Variants in GPC5 observed in about 807,000 individuals in gnomAD.
GPC5 encodes the protein glypican-5.
GPC5 carries 47 observed loss-of-function variants against 53.9 expected under a neutral mutation model. The observed-to-expected ratio is 0.87, with a 90% CI of 0.69 to 1.11. GPC5 has a LOEUF of 1.11. Among genes scored for constraint, GPC5 ranks in the 50% most tolerant of loss-of-function variants. The pLI is 0.00. For missense variants in GPC5, 748 were observed against 713.1 expected, an observed-to-expected ratio of 1.05 and a Z score of -0.56; for synonymous variants, 286 against 263.3, an observed-to-expected ratio of 1.09 and a Z score of -0.84.
intron 7 of GPC5, among the ~76,000 whole-genome samples, chr13:92,351,534 A>G (rs905703290): frequency 2.0e-5 from 3 of 152,046 alleles, no homozygotes; most frequent in Non-Finnish European, 1.5e-5. Flanking sequence ...AGATAAGAAT[A>G]TAAGGATTGT....
intron 7 of GPC5, among the ~76,000 whole-genome samples, chr13:92,767,773 G>T (rs1342579163): frequency 6.6e-6 from 1 of 152,112 alleles, no homozygotes; most frequent in Non-Finnish European, 1.5e-5. Flanking sequence ...ACCTCATAAT[G>T]AATTTTTATG....
intron 2 of GPC5, among the ~76,000 whole-genome samples, chr13:91,595,206 A>T (rs1031048359): frequency 2.0e-5 from 3 of 151,704 alleles, no homozygotes; most frequent in Admixed American, 6.6e-5. Context: ...TTTAGTAGAG[A>T]TGGGGTTTCA....
chr13:91,940,359 A>G (rs1027409378), intron 6 of GPC5, among the ~76,000 whole-genome samples: 11 of 152,086 alleles, frequency 7.2e-5, no homozygotes, highest in Admixed American at 2.6e-4. Flanking sequence ...ATTCTACGTT[A>G]TATACATACT....
chr13:92,721,872 G>T (rs756530620), intron 7 of GPC5, among the ~76,000 whole-genome samples: 1 of 151,810 alleles, frequency 6.6e-6, no homozygotes, highest in Non-Finnish European at 1.5e-5. Flanking sequence ...TCCTATTTAG[G>T]GGTCATTTCC....
intron 7 of GPC5, among the ~76,000 whole-genome samples, chr13:92,244,106 C>G (rs1170219061): frequency 6.6e-6 from 1 of 152,134 alleles, no homozygotes; most frequent in East Asian, 1.9e-4. Context: ...TCTTGGTACT[C>G]TTAACTTTCA....
At chr13:92,106,430 A>T (rs2041510639) in intron 6 of GPC5, among the ~76,000 whole-genome samples, 2 of 152,090 alleles carry the variant, frequency 1.3e-5, no homozygotes, top group African/African-American at 4.8e-5. Flanking sequence ...TTTGGATATG[A>T]TGAGTGCTGA....
intron 2 of GPC5, among the ~76,000 whole-genome samples, chr13:91,616,625 CA>C (rs2139339081): frequency 6.6e-6 from 1 of 151,968 alleles, no homozygotes; most frequent in Admixed American, 6.5e-5. Context: ...ATTTCAGTGT[CA>C]CTTTTAAACA....
At chr13:91,662,390 G>A (rs55887975) in intron 2 of GPC5, among the ~76,000 whole-genome samples, 13,814 of 152,176 alleles carry the variant, frequency 0.091, 2,060 homozygotes, top group African/African-American at 0.31. Flanking sequence ...AAGTTTGCAG[G>A]ATTAATTTGG....
intron 5 of GPC5, among the ~76,000 whole-genome samples, chr13:91,786,438 A>G (rs2037880265): frequency 6.6e-6 from 1 of 152,120 alleles, no homozygotes; most frequent in African/African-American, 2.4e-5. Context: ...TGTTACCTGT[A>G]CATCTTTTTG....
intron 2 of GPC5, among the ~76,000 whole-genome samples, chr13:91,622,763 G>A (rs2033895818): frequency 6.6e-6 from 1 of 152,040 alleles, no homozygotes; most frequent in Non-Finnish European, 1.5e-5. Flanking sequence ...GTTTGAAGAA[G>A]GTTGAAAGAT....
intron 7 of GPC5, among the ~76,000 whole-genome samples, chr13:92,820,826 C>T (rs957781647): frequency 1.3e-5 from 2 of 152,096 alleles, no homozygotes; most frequent in Non-Finnish European, 2.9e-5. Flanking sequence ...ATTCTAAACA[C>T]TATACATGTT....
chr13:92,546,623 C>T (rs1354679264), intron 7 of GPC5, among the ~76,000 whole-genome samples: 3 of 152,124 alleles, frequency 2.0e-5, no homozygotes, highest in Admixed American at 6.5e-5. Context: ...ATGCCATCCC[C>T]ATCAAATTAC....
At chr13:92,031,166 C>G (rs1452940281) in intron 6 of GPC5, among the ~76,000 whole-genome samples, 1 of 152,082 alleles carries the variant, frequency 6.6e-6, no homozygotes, top group African/African-American at 2.4e-5. Flanking sequence ...ATGTGCCTTA[C>G]TCAGCCATTG....
intron 6 of GPC5, among the ~76,000 whole-genome samples, chr13:92,021,142 A>G (rs938276033): frequency 1.2e-4 from 18 of 152,212 alleles, no homozygotes; most frequent in African/African-American, 4.3e-4. Context: ...GATTTATTCA[A>G]CAGGATTTAT....
chr13:92,287,393 T>A (rs2042963664), intron 7 of GPC5, among the ~76,000 whole-genome samples: 1 of 152,198 alleles, frequency 6.6e-6, no homozygotes, highest in East Asian at 1.9e-4. Flanking sequence ...ACAAGGTTTT[T>A]CAAGCCTTCT....
chr13:92,042,676 A>T (rs917830746), intron 6 of GPC5, among the ~76,000 whole-genome samples: 5 of 152,240 alleles, frequency 3.3e-5, no homozygotes, highest in Non-Finnish European at 5.9e-5. Flanking sequence ...ATGTTTAATT[A>T]AAACAATTAT....
At chr13:92,550,341 A>G (rs1419754159) in intron 7 of GPC5, among the ~76,000 whole-genome samples, 2 of 151,902 alleles carry the variant, frequency 1.3e-5, no homozygotes, top group East Asian at 3.9e-4. Context: ...GCCCCAAAGA[A>G]TTATGTTTTC....
chr13:92,397,272 G>GA (rs1290059363), intron 7 of GPC5, among the ~76,000 whole-genome samples: 2 of 124,068 alleles, frequency 1.6e-5, no homozygotes, highest in Admixed American at 1.6e-4. Context: ...CATGGGGGCT[G>GA]GGGGGGGTTC....
chr13:91,766,285 C>G (rs1040812284), intron 5 of GPC5, among the ~76,000 whole-genome samples: 2 of 152,166 alleles, frequency 1.3e-5, no homozygotes, highest in African/African-American at 2.4e-5. Flanking sequence ...GGCCTCTACA[C>G]TGCATTACTT....
Sources: gnomAD v4.1 joint callset for allele counts (sites outside exome capture counted in the v4.1 genomes callset) on GRCh38, gnomAD v4.1.1 for gene constraint, MANE v1.5 for transcripts, NCBI Gene and HGNC (gene_info 2026-07-23, HGNC 2026-07-21) for gene names.